NTRK3: variants seen among roughly 807,000 people sequenced by gnomAD.
The protein encoded by NTRK3 is neurotrophic receptor tyrosine kinase 3.
Under a neutral mutation model 91.7 loss-of-function variants are expected in NTRK3, and 24 were observed. That is an observed-to-expected ratio of 0.26 (90% CI 0.19 to 0.37). The LOEUF (loss-of-function observed/expected upper bound fraction) is 0.37, where lower values mean the gene tolerates loss of function less well. Ranked by LOEUF, NTRK3 falls within the 10% of genes least tolerant of loss-of-function variation. NTRK3 has a pLI of 1.00. For synonymous variants in NTRK3, 483 were observed against 404.0 expected (o/e 1.20, Z -2.34); for missense variants, 880 against 1,068.9 (o/e 0.82, Z 2.46).
At chr15:87,936,381 T>A (rs2069278015) in intron 15 of NTRK3, among the ~76,000 whole-genome samples, 1 of 152,130 alleles carries the variant, frequency 6.6e-6, no homozygotes, top group South Asian at 2.1e-4. Context: ...AGCTGTCATG[T>A]CCACTCTGCC....
At chr15:88,118,310 G>A (rs1006041413) in intron 13 of NTRK3, among the ~76,000 whole-genome samples, 5 of 152,130 alleles carry the variant, frequency 3.3e-5, no homozygotes, top group African/African-American at 1.2e-4. Flanking sequence ...TGCCTCTTCC[G>A]CGCAAGTGAA....
At chr15:87,995,597 A>T (rs1881002221) in intron 14 of NTRK3, among the ~76,000 whole-genome samples, 1 of 152,218 alleles carries the variant, frequency 6.6e-6, no homozygotes, top group Admixed American at 6.5e-5. Flanking sequence ...AGTTTTGGGC[A>T]ATGGGTGAGT....
At chr15:87,904,850 G>T (rs1035193970) in intron 17 of NTRK3, among the ~76,000 whole-genome samples, 2 of 152,198 alleles carry the variant, frequency 1.3e-5, no homozygotes, top group African/African-American at 2.4e-5. Context: ...ACTGTGTTGA[G>T]ATGCGTTAAT....
chr15:88,058,248 T>A (rs1017640869), intron 13 of NTRK3, among the ~76,000 whole-genome samples: 2 of 152,120 alleles, frequency 1.3e-5, no homozygotes, highest in Admixed American at 1.3e-4. Flanking sequence ...GTCAGACAGT[T>A]CTTGAGTTCA....
intron 17 of NTRK3, among the ~76,000 whole-genome samples, chr15:87,900,703 G>GTGTT (rs1033480931): frequency 4.0e-5 from 6 of 150,986 alleles, no homozygotes; most frequent in African/African-American, 1.5e-4. Flanking sequence ...GTGTGTGTGT[G>GTGTT]TGTGTGTGTG....
chr15:87,905,773 A>C (rs572280406), intron 17 of NTRK3, among the ~76,000 whole-genome samples: 1 of 152,130 alleles, frequency 6.6e-6, no homozygotes, highest in South Asian at 2.1e-4. Context: ...CCTCCTTCCA[A>C]CGTGCGTGAG....
intron 3 of NTRK3, among the ~76,000 whole-genome samples, chr15:88,208,269 C>A (rs2048957345): frequency 6.6e-6 from 1 of 151,946 alleles, no homozygotes; most frequent in African/African-American, 2.4e-5. Flanking sequence ...TCAAGGGGAT[C>A]CTTCATCTCA....
chr15:88,161,404 G>C (rs1392102126), intron 5 of NTRK3, among the ~76,000 whole-genome samples: 2 of 152,066 alleles, frequency 1.3e-5, no homozygotes, highest in African/African-American at 2.4e-5. Flanking sequence ...ACGTTACTAG[G>C]GCCCTGTCTC....
At chr15:88,133,401 G>A (rs76948439) in intron 10 of NTRK3, among the ~76,000 whole-genome samples, 31 of 152,268 alleles carry the variant, frequency 2.0e-4, no homozygotes, top group African/African-American at 7.5e-4. Flanking sequence ...CCTGGCAGAA[G>A]GAGCCAGAGT....
chr15:88,193,781 A>G (rs1462903788), intron 3 of NTRK3, among the ~76,000 whole-genome samples: 1 of 152,136 alleles, frequency 6.6e-6, no homozygotes, highest in Admixed American at 6.5e-5. Flanking sequence ...TCTCTCTGCT[A>G]TGTTTTTCCA....
chr15:88,109,577 G>A (rs946110201), intron 13 of NTRK3, among the ~76,000 whole-genome samples: 9 of 152,162 alleles, frequency 5.9e-5, no homozygotes, highest in South Asian at 4.2e-4. Context: ...TTTTCAGCCC[G>A]CATCCCTCCT....
chr15:88,217,973 A>T (rs977683529), intron 3 of NTRK3, among the ~76,000 whole-genome samples: 1 of 151,716 alleles, frequency 6.6e-6, no homozygotes, highest in African/African-American at 2.4e-5. Flanking sequence ...TTTTAGCACA[A>T]TTTTTTAAGG....
chr15:88,092,632 C>A (rs77212592), intron 13 of NTRK3, among the ~76,000 whole-genome samples: 3,539 of 152,322 alleles, frequency 0.023, 61 homozygotes, highest in Middle Eastern at 0.061. Flanking sequence ...CACAGTTCTG[C>A]AGGCACAAGG....
chr15:87,905,194 G>T (rs2066691573), intron 17 of NTRK3, among the ~76,000 whole-genome samples: 1 of 152,186 alleles, frequency 6.6e-6, no homozygotes, highest in Non-Finnish European at 1.5e-5. Flanking sequence ...GACACATGTT[G>T]TGAAACTAAG....
At chr15:87,970,731 ACT>A (rs2073187200) in intron 14 of NTRK3, among the ~76,000 whole-genome samples, 1 of 152,194 alleles carries the variant, frequency 6.6e-6, no homozygotes, top group African/African-American at 2.4e-5. Flanking sequence ...ATATCATGAG[ACT>A]AAGGAGAAAC....
chr15:88,116,876 C>T (rs1567447397), intron 13 of NTRK3, among the ~76,000 whole-genome samples: 1 of 152,232 alleles, frequency 6.6e-6, no homozygotes, highest in Non-Finnish European at 1.5e-5. Flanking sequence ...ACCCCAATCA[C>T]CCCAAGTTTG....
chr15:88,138,200 G>A lies in NTRK3; in HGVS notation c.465-639C>T, dbSNP rs141383118. On this transcript the variant is annotated intron_variant, in intron 6 of 18. Transcript: ENST00000394480. ...GGGAGGATCACAAGGTCAGGAGATC[G>A]AGACCATCCGGATTAACACTGTGAA... Among the ~76,000 whole-genome samples the A allele has an allele frequency of 3.2e-4, 49 of 151,802 alleles. No homozygotes were observed. In the East Asian group the frequency reaches 9.4e-3, roughly 29 times the overall value.
intron 8 of NTRK3, 86 bp downstream of exon 8, chr15:88,136,381 C>A: frequency 1.3e-6 from 2 of 1,574,004 alleles, no homozygotes; most frequent in African/African-American, 1.3e-5. Flanking sequence ...CCTATAGTAA[C>A]AAGACCGCAA....
At chr15:87,930,880 T>TC (rs903534154) in intron 16 of NTRK3, among the ~76,000 whole-genome samples, 10 of 152,030 alleles carry the variant, frequency 6.6e-5, no homozygotes, top group Admixed American at 3.9e-4. Context: ...TTAGAGAGAC[T>TC]CCCCCATGCT....
Sources: gnomAD v4.1 joint callset for allele counts (sites outside exome capture counted in the v4.1 genomes callset) on GRCh38, gnomAD v4.1.1 for gene constraint, MANE v1.5 for transcripts, NCBI Gene and HGNC (gene_info 2026-07-23, HGNC 2026-07-21) for gene names.